Variants in SHLD1 observed in about 807,000 individuals in gnomAD.
The protein encoded by SHLD1 is RINN1-REV7-interacting novel NHEJ regulator 3.
Under a neutral mutation model 5.5 loss-of-function variants are expected in SHLD1, and 3 were observed. The observed-to-expected ratio is 0.54, with a 90% CI of 0.25 to 1.40. SHLD1 has a LOEUF of 1.40. Ranked by LOEUF, SHLD1 falls within the 40% of genes most tolerant of loss-of-function variation. The pLI, the probability that SHLD1 is intolerant of heterozygous loss-of-function variation, is 0.15. For missense variants in SHLD1, 210 were observed against 244.4 expected, an observed-to-expected ratio of 0.86 and a Z score of 0.94; for synonymous variants, 92 against 94.3, an observed-to-expected ratio of 0.98 and a Z score of 0.14.
chr20:5,767,516 C>G (rs565927180), intron 1 of SHLD1, among the ~76,000 whole-genome samples: 5 of 152,156 alleles, frequency 3.3e-5, no homozygotes, highest in Admixed American at 6.6e-5. Flanking sequence ...ATTCTTGACC[C>G]GTGGGTCCCT....
chr20:5,763,946 TA>T (rs1233102331), intron 1 of SHLD1, among the ~76,000 whole-genome samples: 6,717 of 70,150 alleles, frequency 0.096, 232 homozygotes, highest in African/African-American at 0.13. Context: ...CCGTCTTTAC[TA>T]AAAAAAAAAA....
intron 2 of SHLD1, among the ~76,000 whole-genome samples, chr20:5,789,729 T>C (rs185403161): frequency 1.3e-5 from 2 of 152,098 alleles, no homozygotes; most frequent in East Asian, 3.9e-4. Context: ...AAAGGAGAAC[T>C]TGGAGATTTA....
chr20:5,765,299 G>T (rs1984765566), intron 1 of SHLD1: 1 of 152,122 alleles, frequency 6.6e-6, no homozygotes, highest in East Asian at 1.9e-4. Flanking sequence ...AGGCTGGAGT[G>T]CAGTGGCACG....
At chr20:5,810,181 C>T (rs892830555) in intron 2 of SHLD1, among the ~76,000 whole-genome samples, 7 of 151,682 alleles carry the variant, frequency 4.6e-5, no homozygotes, top group African/African-American at 1.5e-4. Context: ...TGCTTGAACC[C>T]GGGTGGTGGA....
At chr20:5,779,646 G>A (rs1388144943) in intron 2 of SHLD1, among the ~76,000 whole-genome samples, 2 of 152,112 alleles carry the variant, frequency 1.3e-5, no homozygotes, top group African/African-American at 4.8e-5. Flanking sequence ...GCTGTTATGT[G>A]TTGTAAGGAA....
intron 1 of SHLD1, among the ~76,000 whole-genome samples, chr20:5,759,269 T>TA (rs1984323619): frequency 6.6e-6 from 1 of 150,424 alleles, no homozygotes; most frequent in Non-Finnish European, 1.5e-5. Flanking sequence ...TTTTTTTAAT[T>TA]AATTTTTTTT....
chr20:5,804,327 A>G (rs2087342413), intron 2 of SHLD1, among the ~76,000 whole-genome samples: 1 of 137,090 alleles, frequency 7.3e-6, no homozygotes. Context: ...TTACTGTAAG[A>G]CATTTGTATA....
chr20:5,763,104 C>T (rs190520138), intron 1 of SHLD1, among the ~76,000 whole-genome samples: 41 of 151,868 alleles, frequency 2.7e-4, no homozygotes, highest in African/African-American at 9.9e-4. Flanking sequence ...GTCAGGAGTT[C>T]GAGACCAGCC....
At chr20:5,807,773 C>T (rs1328137201) in intron 2 of SHLD1, among the ~76,000 whole-genome samples, 8 of 152,144 alleles carry the variant, frequency 5.3e-5, no homozygotes. Flanking sequence ...TCCCTAGAAA[C>T]CAGAAGTGAT....
intron 2 of SHLD1, among the ~76,000 whole-genome samples, chr20:5,822,219 A>ATCT (rs2087613890): frequency 1.3e-5 from 2 of 152,208 alleles, no homozygotes; most frequent in Admixed American, 6.5e-5. Flanking sequence ...GCACTTTGGG[A>ATCT]GCCCAAGGCG....
At chr20:5,807,222 C>G (rs1239104418) in intron 2 of SHLD1, among the ~76,000 whole-genome samples, 7 of 152,164 alleles carry the variant, frequency 4.6e-5, no homozygotes, top group Non-Finnish European at 1.0e-4. Context: ...AGTATAAATT[C>G]CTAACTTCTG....
At chr20:5,790,411 C>T (rs76155258) in intron 2 of SHLD1, among the ~76,000 whole-genome samples, 6,942 of 150,684 alleles carry the variant, frequency 0.046, 524 homozygotes, top group African/African-American at 0.16. Flanking sequence ...ACCACAATCA[C>T]AAAAGTAGGC....
At chr20:5,759,560 G>T (rs1275252681) in intron 1 of SHLD1, among the ~76,000 whole-genome samples, 3 of 152,080 alleles carry the variant, frequency 2.0e-5, no homozygotes, top group Non-Finnish European at 4.4e-5. Flanking sequence ...TTTAGACAGG[G>T]TCTAGCTCTG....
intron 1 of SHLD1, among the ~76,000 whole-genome samples, chr20:5,761,369 C>G (rs1258819328): frequency 6.6e-6 from 1 of 151,312 alleles, no homozygotes; most frequent in Non-Finnish European, 1.5e-5. Flanking sequence ...ACATGTATAC[C>G]TACATAACAA....
intron 2 of SHLD1, among the ~76,000 whole-genome samples, chr20:5,860,592 GT>G (rs1219304723): frequency 1.3e-5 from 2 of 151,514 alleles, no homozygotes; most frequent in East Asian, 3.9e-4. Flanking sequence ...TTTAAAAAAA[GT>G]TTTTTTTTGC....
At chr20:5,822,599 C>T (rs1414126978) in intron 2 of SHLD1, among the ~76,000 whole-genome samples, 3 of 152,010 alleles carry the variant, frequency 2.0e-5, no homozygotes, top group Non-Finnish European at 4.4e-5. Context: ...GGTTCCTTAT[C>T]GTACCTGAGA....
rs1469876398 is a variant in SHLD1 at position 5,764,134 on chromosome 20, AAAAAAATATATATATATTTATATTT to A, written c.-4-8726_-4-8702del. 3.2e-5 allele frequency among the ~76,000 whole-genome samples: 3 copies of A among 93,702 alleles called. No homozygotes were observed. In the South Asian group the frequency reaches 9.8e-4, roughly 31 times the overall value. The allele number at this position is 93,702 out of a possible 152,430, so 61.5% of individuals were successfully genotyped here. A position where few individuals can be genotyped will look rare whatever the true frequency, so the allele number is the denominator to read the frequency against. On this transcript the variant is annotated intron_variant, in intron 1 of 2. Coordinates refer to ENST00000303142, the MANE Select transcript of SHLD1 (RefSeq NM_152504.4). ...AGAGCAAGGCTCTGTCTCAAAAAAA[AAAAAAATATATATATATTTATATTT>A]ATATATATATATATATTTTTATATA...
At chr20:5,807,226 A>T (rs1484435266) in intron 2 of SHLD1, among the ~76,000 whole-genome samples, 2 of 152,110 alleles carry the variant, frequency 1.3e-5, no homozygotes, top group African/African-American at 4.8e-5. Flanking sequence ...TAAATTCCTA[A>T]CTTCTGAAAA....
chr20:5,774,116 A>C (rs758217651), intron 2 of SHLD1, among the ~76,000 whole-genome samples: 20 of 152,148 alleles, frequency 1.3e-4, no homozygotes, highest in Non-Finnish European at 8.8e-5. Context: ...AAGCAGGAGA[A>C]TCGCTTGAAC....
Sources: gnomAD v4.1 joint callset for allele counts (sites outside exome capture counted in the v4.1 genomes callset) on GRCh38, gnomAD v4.1.1 for gene constraint, MANE v1.5 for transcripts, NCBI Gene and HGNC (gene_info 2026-07-23, HGNC 2026-07-21) for gene names.